SORCS2: variants seen among roughly 807,000 people sequenced by gnomAD.
SORCS2 encodes the protein sortilin related VPS10 domain containing receptor 2, also known as VPS10 domain-containing receptor SorCS2.
Under a neutral mutation model 141.6 loss-of-function variants are expected in SORCS2, and 100 were observed. The ratio of observed to expected loss-of-function variants is 0.71; its 90% confidence interval spans 0.60 to 0.83. The LOEUF (loss-of-function observed/expected upper bound fraction) is 0.83. SORCS2 is among the 40% of genes least tolerant of loss of function. SORCS2 has a pLI of 0.00. For synonymous variants in SORCS2, 789 were observed against 676.9 expected, an observed-to-expected ratio of 1.17 and a Z score of -2.57; for missense variants, 1,646 against 1,560.2, an observed-to-expected ratio of 1.05 and a Z score of -0.93.
chr4:7,724,169 G>GTGA (rs1248310489), intron 19 of SORCS2, among the ~76,000 whole-genome samples: 6 of 147,474 alleles, frequency 4.1e-5, no homozygotes, highest in Admixed American at 6.7e-5. Flanking sequence ...GGTGATGGTG[G>GTGA]TGATGGTGAT....
intron 3 of SORCS2, among the ~76,000 whole-genome samples, chr4:7,550,364 A>AGG (rs1316123829): frequency 6.6e-6 from 1 of 152,148 alleles, no homozygotes; most frequent in African/African-American, 2.4e-5. Context: ...AACACTTCCC[A>AGG]GGGCCTCAGT....
At chr4:7,659,276 CA>C (rs549698315) in intron 5 of SORCS2, among the ~76,000 whole-genome samples, 5,502 of 116,742 alleles carry the variant, frequency 0.047, 285 homozygotes, top group African/African-American at 0.15. Flanking sequence ...TTCCTTTCAT[CA>C]AAAAAAAAAA....
At chr4:7,372,783 G>A (rs1389639066) in intron 1 of SORCS2, among the ~76,000 whole-genome samples, 2 of 151,706 alleles carry the variant, frequency 1.3e-5, no homozygotes, top group Non-Finnish European at 2.9e-5. Context: ...TCTGTTTTCC[G>A]CCTGTCCGGA....
At chr4:7,228,994 C>T (rs941302415) in intron 1 of SORCS2, among the ~76,000 whole-genome samples, 10 of 152,190 alleles carry the variant, frequency 6.6e-5, no homozygotes, top group East Asian at 1.9e-4. Flanking sequence ...AGTGGACTTG[C>T]GTGAGGCCTG....
At chr4:7,584,652 G>T (rs1182680811) in intron 3 of SORCS2, among the ~76,000 whole-genome samples, 2 of 152,206 alleles carry the variant, frequency 1.3e-5, no homozygotes, top group Admixed American at 1.3e-4. Context: ...TGCAGAGGAG[G>T]TCTTGCTCCT....
intron 1 of SORCS2, among the ~76,000 whole-genome samples, chr4:7,312,821 T>G (rs1361482275): frequency 6.6e-6 from 1 of 152,230 alleles, no homozygotes; most frequent in Non-Finnish European, 1.5e-5. Context: ...AGCTGGCTGC[T>G]CTGCAGGTCA....
chr4:7,630,600 C>T (rs78664756), intron 3 of SORCS2, among the ~76,000 whole-genome samples: 4,486 of 152,266 alleles, frequency 0.029, 221 homozygotes, highest in African/African-American at 0.1. Flanking sequence ...CCAGGCTAGC[C>T]GCCGGAGTGT....
intron 3 of SORCS2, among the ~76,000 whole-genome samples, chr4:7,572,717 G>A (rs557491412): frequency 6.6e-6 from 1 of 152,284 alleles, no homozygotes; most frequent in Non-Finnish European, 1.5e-5. Flanking sequence ...ATTTTATGTT[G>A]AAGTTCAGCT....
At chr4:7,629,239 G>C (rs1022135559) in intron 3 of SORCS2, among the ~76,000 whole-genome samples, 1 of 152,016 alleles carries the variant, frequency 6.6e-6, no homozygotes, top group Non-Finnish European at 1.5e-5. Flanking sequence ...AATTATGATT[G>C]GTCCATTAGA....
intron 8 of SORCS2, among the ~76,000 whole-genome samples, chr4:7,674,170 CTG>C (rs1425027700): frequency 1.3e-5 from 2 of 152,096 alleles, no homozygotes; most frequent in African/African-American, 2.4e-5. Context: ...TTCCCTGGTT[CTG>C]TGTGTCTCGG....
At chr4:7,569,336 C>T (rs551789632) in intron 3 of SORCS2, among the ~76,000 whole-genome samples, 76 of 152,262 alleles carry the variant, frequency 5.0e-4, no homozygotes, top group African/African-American at 1.7e-3. Context: ...CATGGTGAAA[C>T]CCCGTCTCTA....
At position 7,718,118 on chromosome 4, in the gene SORCS2, A is replaced by C. The variant is rs759611756; in HGVS notation, c.2359A>C (p.Ile787Leu). ...LTPPRGLQVS[I>L]QGEAVAVRPG... ...GCCGCCCCGGGGCCTGCAGGTCAGCATTCAAGGCGAGGCGGTGGCCGTGCG... is the reference window on the plus strand; with the variant it reads ...GCCGCCCCGGGGCCTGCAGGTCAGCCTTCAAGGCGAGGCGGTGGCCGTGCG... Residue 787 changes from isoleucine to leucine, a missense_variant, in exon 18 of 27, where the codon ATT (isoleucine) becomes CTT (leucine). Physicochemically the swap from Ile to Leu is conservative, Grantham distance 5. Transcript: ENST00000507866. The C allele has an allele frequency of 5.0e-6, 8 of 1,612,122 alleles. No homozygotes were observed. Among genetic ancestry groups the C allele is most frequent in the Non-Finnish European group, 4.2e-6 (5 of 1,179,346 alleles).
At chr4:7,625,124 G>C (rs926004223) in intron 3 of SORCS2, among the ~76,000 whole-genome samples, 3 of 152,192 alleles carry the variant, frequency 2.0e-5, no homozygotes, top group Non-Finnish European at 4.4e-5. Flanking sequence ...ATGTTCTCAA[G>C]GATGTTTCCT....
At position 7,587,605 on chromosome 4, in the gene SORCS2, C is replaced by T. The variant is rs1404887063; in HGVS notation, c.649-50723C>T. On this transcript the variant is annotated intron_variant, in intron 3 of 26. Coordinates refer to ENST00000507866, the MANE Select transcript of SORCS2 (RefSeq NM_020777.3). ...AGGCCCATGGGGTTTCCATAGAGAC[C>T]AGGCCACCTGGAGTCGCCTCTCTAG... is the stretch of plus-strand genomic sequence containing the variant. Among the ~76,000 whole-genome samples, 4 of 152,202 alleles carry T rather than the reference C, an allele frequency of 2.6e-5. No individual in the cohort carries two copies. The East Asian group carries it at 7.7e-4, about 29-fold the overall frequency.
chr4:7,274,805 A>C (rs1323493219), intron 1 of SORCS2, among the ~76,000 whole-genome samples: 1 of 152,070 alleles, frequency 6.6e-6, no homozygotes, highest in Non-Finnish European at 1.5e-5. Flanking sequence ...ATCCCACATC[A>C]GTGTCTTCTG....
rs116220881 is a variant in SORCS2 at position 7,415,076 on chromosome 4, A to C, written c.548+18721A>C. Among the ~76,000 whole-genome samples, 493 of 152,332 alleles carry C rather than the reference A, an allele frequency of 3.2e-3. 3 individuals carry two copies. Among genetic ancestry groups the C allele is most frequent in the African/African-American group, 0.011 (477 of 41,586 alleles). ...GGACAAAATTCAAAGTAATGAGTTAAAGTAAAAACGAGGTAGGCATTTCAG... is the reference window on the plus strand; with the variant it reads ...GGACAAAATTCAAAGTAATGAGTTACAGTAAAAACGAGGTAGGCATTTCAG... On this transcript the variant is annotated intron_variant, in intron 2 of 26. Coordinates refer to ENST00000507866, the MANE Select transcript of SORCS2 (RefSeq NM_020777.3).
intron 1 of SORCS2, among the ~76,000 whole-genome samples, chr4:7,270,475 C>G (rs955888061): frequency 1.3e-5 from 2 of 152,246 alleles, no homozygotes; most frequent in African/African-American, 4.8e-5. Context: ...GTCTGGTTCC[C>G]TCCAGCGCTT....
intron 2 of SORCS2, among the ~76,000 whole-genome samples, chr4:7,472,888 C>G (rs1172557752): frequency 6.6e-6 from 1 of 151,174 alleles, no homozygotes; most frequent in Non-Finnish European, 1.5e-5. Context: ...GAAATCACAG[C>G]CTGAGTGGAT....
intron 1 of SORCS2, among the ~76,000 whole-genome samples, chr4:7,383,557 A>G (rs929448421): frequency 2.0e-5 from 3 of 152,168 alleles, no homozygotes. Flanking sequence ...CTGCTTTAAA[A>G]ACAGGATCAG....
Sources: gnomAD v4.1 joint callset for allele counts (sites outside exome capture counted in the v4.1 genomes callset) on GRCh38, gnomAD v4.1.1 for gene constraint, MANE v1.5 for transcripts, NCBI Gene and HGNC (gene_info 2026-07-23, HGNC 2026-07-21) for gene names.